ATP13A3: variants seen among roughly 807,000 people sequenced by gnomAD.
ATP13A3 encodes polyamine-transporting ATPase 13A3.
In ATP13A3, 59 loss-of-function variants were observed where a neutral mutation model predicts 158.1. The observed-to-expected ratio is 0.37, with a 90% confidence interval of 0.30 to 0.46. The LOEUF (loss-of-function observed/expected upper bound fraction) is 0.46. Ranked by LOEUF, ATP13A3 falls within the 20% of genes least tolerant of loss-of-function variation. The pLI, the probability that ATP13A3 is intolerant of heterozygous loss-of-function variation, is 1.00. For synonymous variants in ATP13A3, 491 were observed against 504.3 expected (o/e 0.97, Z 0.35); for missense variants, 1,166 against 1,525.2 (o/e 0.76, Z 3.92).
At chr3:194,443,728 G>T (rs1277421036) in intron 15 of ATP13A3, among the ~76,000 whole-genome samples, 1 of 151,862 alleles carries the variant, frequency 6.6e-6, no homozygotes, top group Non-Finnish European at 1.5e-5. Context: ...GGGGAGGGGG[G>T]AAGACACAAA....
intron 2 of ATP13A3, among the ~76,000 whole-genome samples, chr3:194,467,338 T>C (rs1056641869): frequency 1.2e-4 from 18 of 152,200 alleles, no homozygotes; most frequent in African/African-American, 4.1e-4. Flanking sequence ...TCCAATTAAT[T>C]ATTTTTAAAT....
chr3:194,453,621 T>C (rs1047512731), intron 10 of ATP13A3, 85 bp downstream of exon 10: 1 of 983,686 alleles, frequency 1.0e-6, no homozygotes, highest in Non-Finnish European at 1.6e-6. Context: ...AAAGAATGTA[T>C]ATGTATTATA....
chr3:194,471,435 C>A (rs146580592), intron 2 of ATP13A3, among the ~76,000 whole-genome samples: 1 of 152,100 alleles, frequency 6.6e-6, no homozygotes, highest in Non-Finnish European at 1.5e-5. Context: ...CTCACTGCAA[C>A]CTCTGCCTTC....
chr3:194,462,338 C>T (rs548424985), intron 2 of ATP13A3, 102 bp from the exon 3 acceptor site: 2 of 731,948 alleles, frequency 2.7e-6, no homozygotes, highest in East Asian at 2.7e-5. Flanking sequence ...GGTCCCCAAC[C>T]CCTGGGTCAC....
At chr3:194,452,562 C>A (rs2108922952) in intron 10 of ATP13A3, 1 of 152,268 alleles carries the variant, frequency 6.6e-6, no homozygotes, top group South Asian at 2.1e-4. Context: ...GAGCCCAAAT[C>A]CCTAACATGC....
chr3:194,479,574 A>C (rs1377296336), intron 2 of ATP13A3, among the ~76,000 whole-genome samples: 1 of 151,980 alleles, frequency 6.6e-6, no homozygotes, highest in Non-Finnish European at 1.5e-5. Flanking sequence ...TAAAAAAATA[A>C]AGTAAAATAA....
Position 194,448,044 on chromosome 3 carries a change from A to C in ATP13A3, c.1151-35T>G, listed in dbSNP as rs1364918606. On this transcript the variant is annotated intron_variant, in intron 12 of 33. Transcript: ENST00000645319. This position sits in a 1 kb window ranked among gnomAD's most constrained non-coding sequence, Gnocchi z 4.0. ...AAAGAAGACAATTATTGATATTTTT[A>C]TAAGAAAATGAGAATTATCTCCCAA... 1 of 1,535,854 alleles carries C rather than the reference A, an allele frequency of 6.5e-7. No individual in the cohort carries two copies. The highest frequency in any genetic ancestry group is 1.4e-5 in the African/African-American group (1 of 71,932).
intron 16 of ATP13A3, among the ~76,000 whole-genome samples, chr3:194,440,589 C>A (rs1264635301): frequency 6.6e-6 from 1 of 152,160 alleles, no homozygotes; most frequent in African/African-American, 2.4e-5. Flanking sequence ...TAGCTCACTG[C>A]AGCTATGCAG....
chr3:194,411,066 G>GA (rs35746857), intron 33 of ATP13A3, among the ~76,000 whole-genome samples: 35,553 of 144,970 alleles, frequency 0.25, 7,679 homozygotes, highest in African/African-American at 0.58. Flanking sequence ...CTGCTTTCAG[G>GA]AAAAAAAAAA....
chr3:194,437,429 T>C lies in ATP13A3; in HGVS notation c.1881A>G (p.Pro627=), dbSNP rs1417290632. 1 of 1,614,142 alleles carries C rather than the reference T, an allele frequency of 6.2e-7. No homozygotes were observed. The highest frequency in any genetic ancestry group is 8.5e-7 in the Non-Finnish European group (1 of 1,180,030). The part of the protein sequence containing the change: ...TYEIGIVRQF[P]FSSALQRMSV... ...TCATACGTTGCAAAGCAGAAGAAAA[T>C]GGGAACTGGCGAACAATTCCTATCT... The change falls in exon 19 of 34, where the codon CCA becomes CCG. Residue 627 remains proline (P), a synonymous_variant. Coordinates refer to ENST00000645319, the MANE Select transcript of ATP13A3 (RefSeq NM_001367549.1).
Position 194,437,183 on chromosome 3 carries a change from A to C in ATP13A3, c.2032T>G (p.Phe678Val). ...ATCACACGGAAGCCCTGTTTAGTGAAGTCTTCCAAAACGTTTTGAAAATCG... is the reference window on the plus strand; with the variant it reads ...ATCACACGGAAGCCCTGTTTAGTGACGTCTTCCAAAACGTTTTGAAAATCG... ...PVDFQNVLEDFTKQGFRVIAL... is the reference protein window; with the variant it reads ...PVDFQNVLEDVTKQGFRVIAL... Residue 678 changes from phenylalanine (F) to valine (V), a missense_variant, in exon 20 of 34, where the codon TTC (phenylalanine) becomes GTC (valine). Transcript: ENST00000645319. The C allele has an allele frequency of 6.2e-7, 1 of 1,614,054 alleles. No homozygotes were observed. Among genetic ancestry groups the C allele is most frequent in the African/African-American group, 1.3e-5 (1 of 75,050 alleles).
In ATP13A3 at chr3:194,448,914, G is replaced by T. The variant is rs1218849739; in HGVS notation, c.971-278C>A. Among the ~76,000 whole-genome samples, 2 of 152,072 alleles carry T rather than the reference G, an allele frequency of 1.3e-5. No individual in the cohort carries two copies. The highest frequency in any genetic ancestry group is 4.8e-5 in the African/African-American group (2 of 41,406). On this transcript the variant is annotated intron_variant, in intron 11 of 33. Coordinates refer to ENST00000645319, the MANE Select transcript of ATP13A3 (RefSeq NM_001367549.1). The surrounding 1 kb of genome is among the most constrained non-coding windows in gnomAD (Gnocchi z 4.0). ...TATTTGTTTATATTTAGAAACAGTT[G>T]CATTGTTCAGTTTCAAATAATTTCA... is the stretch of plus-strand genomic sequence containing the variant.
intron 2 of ATP13A3, among the ~76,000 whole-genome samples, chr3:194,473,871 T>C (rs908844939): frequency 4.6e-5 from 7 of 152,178 alleles, no homozygotes; most frequent in Non-Finnish European, 1.0e-4. Context: ...TAGAGCTATG[T>C]AATATATAAA....
chr3:194,488,077 C>G (rs779062612), upstream of ATP13A3: 1 of 152,442 alleles, frequency 6.6e-6, no homozygotes, highest in Non-Finnish European at 1.5e-5. This position sits in a 1 kb window ranked among gnomAD's most constrained non-coding sequence, Gnocchi z 4.1. Context: ...CCCTGGTCCC[C>G]TAGATTGTGT....
At chr3:194,440,284 C>G (rs544635521) in intron 16 of ATP13A3, among the ~76,000 whole-genome samples, 69 of 151,996 alleles carry the variant, frequency 4.5e-4, no homozygotes, top group Non-Finnish European at 8.1e-4. Context: ...TAAAGAAAGC[C>G]AAACAAAAAA....
chr3:194,415,375 G>A (rs918225075), intron 31 of ATP13A3, among the ~76,000 whole-genome samples: 3 of 152,134 alleles, frequency 2.0e-5, no homozygotes. Context: ...GAAAAAGTTG[G>A]TTGTGAAACA....
chr3:194,446,466 A>G (rs1475673808), intron 14 of ATP13A3, among the ~76,000 whole-genome samples: 2 of 152,218 alleles, frequency 1.3e-5, no homozygotes, highest in African/African-American at 4.8e-5. Flanking sequence ...TCGTTCCGCC[A>G]GTTGCTGAGA....
Position 194,408,021 on chromosome 3 carries a change from C to CT in ATP13A3, c.3574-1906dup, listed in dbSNP as rs778831468. Among the ~76,000 whole-genome samples the CT allele has an allele frequency of 5.3e-3, 729 of 138,280 alleles. 3 individuals are homozygous for CT. Among genetic ancestry groups the CT allele is most frequent in the South Asian group, 0.017 (74 of 4,312 alleles). The allele number at this position is 138,280 out of a possible 152,430, so 90.7% of individuals were successfully genotyped here. A position where few individuals can be genotyped will look rare whatever the true frequency, so the allele number is the denominator to read the frequency against. ...CCTAAATCAATTCGAAAGCTGTCAC[C>CT]TTTTTTTTTTTTTTTTTGAGACGGA... On this transcript the variant is annotated intron_variant, in intron 33 of 33. Coordinates refer to ENST00000645319, the MANE Select transcript of ATP13A3 (RefSeq NM_001367549.1).
intron 9 of ATP13A3, 98 bp downstream of exon 9, chr3:194,454,160 T>C (rs1425582148): frequency 4.2e-6 from 5 of 1,193,542 alleles, no homozygotes; most frequent in Admixed American, 2.4e-5. Flanking sequence ...AATGACTGCA[T>C]TGAGAATTTA....
Sources: gnomAD v4.1 joint callset for allele counts (sites outside exome capture counted in the v4.1 genomes callset) on GRCh38, gnomAD v4.1.1 for gene constraint, Gnocchi (gnomAD v3.1) non-coding constraint, MANE v1.5 for transcripts, NCBI Gene and HGNC (gene_info 2026-07-23, HGNC 2026-07-21) for gene names.